Variants in SLC9A9 observed in about 807,000 individuals in gnomAD.
SLC9A9 encodes solute carrier family 9 member A9.
In SLC9A9, 62 loss-of-function variants were observed where a neutral mutation model predicts 77.8. The observed-to-expected ratio is 0.80, with a 90% confidence interval of 0.65 to 0.98. The LOEUF is 0.98. Ranked by LOEUF, SLC9A9 falls within the 50% of genes least tolerant of loss-of-function variation. The pLI is 0.00. For missense variants in SLC9A9, 775 were observed against 774.9 expected (o/e 1.00, Z 0.00); for synonymous variants, 320 against 283.5 (o/e 1.13, Z -1.29).
At chr3:143,833,234 T>C (rs1242812762) in intron 1 of SLC9A9, among the ~76,000 whole-genome samples, 1 of 152,208 alleles carries the variant, frequency 6.6e-6, no homozygotes, top group African/African-American at 2.4e-5. Context: ...TTACCTCTCT[T>C]ATGAATCTGG....
At chr3:143,615,913 C>T (rs2108705172) in intron 6 of SLC9A9, among the ~76,000 whole-genome samples, 1 of 150,396 alleles carries the variant, frequency 6.6e-6, no homozygotes, top group East Asian at 2.0e-4. Context: ...CAGAGTCTCG[C>T]TCTGTTGCCC....
chr3:143,706,680 G>A (rs544041414), intron 4 of SLC9A9, among the ~76,000 whole-genome samples: 1 of 152,282 alleles, frequency 6.6e-6, no homozygotes, highest in South Asian at 2.1e-4. Context: ...TCCTCTGTAA[G>A]GGGTGGAGGG....
At chr3:143,667,734 G>C (rs1428176411) in intron 5 of SLC9A9, among the ~76,000 whole-genome samples, 1 of 152,170 alleles carries the variant, frequency 6.6e-6, no homozygotes, top group African/African-American at 2.4e-5. Context: ...ATGAAAAAAT[G>C]TTCATCATCA....
intron 6 of SLC9A9, among the ~76,000 whole-genome samples, chr3:143,618,658 C>T (rs1253109544): frequency 1.3e-5 from 2 of 152,152 alleles, no homozygotes; most frequent in African/African-American, 4.8e-5. Flanking sequence ...TCTTCTCAGC[C>T]TCCTTGGATA....
chr3:143,424,611 G>A (rs909707717), intron 12 of SLC9A9, among the ~76,000 whole-genome samples: 1 of 152,096 alleles, frequency 6.6e-6, no homozygotes, highest in African/African-American at 2.4e-5. Flanking sequence ...TGATCCATCT[G>A]CCTCGGCCTC....
intron 14 of SLC9A9, among the ~76,000 whole-genome samples, chr3:143,360,944 T>C (rs577588164): frequency 6.6e-6 from 1 of 152,318 alleles, no homozygotes; most frequent in African/African-American, 2.4e-5. Flanking sequence ...CTCAATACGG[T>C]GTGTGGGCCT....
chr3:143,639,141 T>C (rs777036410), intron 6 of SLC9A9, among the ~76,000 whole-genome samples: 7 of 152,250 alleles, frequency 4.6e-5, no homozygotes, highest in Admixed American at 2.0e-4. Context: ...AAACTATTTA[T>C]AGAGTTTTGT....
At chr3:143,527,246 A>G (rs1173179817) in intron 9 of SLC9A9, among the ~76,000 whole-genome samples, 1 of 152,196 alleles carries the variant, frequency 6.6e-6, no homozygotes, top group African/African-American at 2.4e-5. Context: ...TTCTTCTTCA[A>G]GCTTTACGGT....
intron 4 of SLC9A9, among the ~76,000 whole-genome samples, chr3:143,728,631 G>A (rs1371701695): frequency 6.6e-6 from 1 of 152,194 alleles, no homozygotes. Flanking sequence ...TGCTGTGGCT[G>A]CTGAGTGGAA....
chr3:143,503,848 GT>G, intron 9 of SLC9A9: 1 of 346,874 alleles, frequency 2.9e-6, no homozygotes, highest in Non-Finnish European at 5.6e-6. Context: ...CTGTGAAGTT[GT>G]TTTTGCACTT....
At chr3:143,598,456 T>C (rs541016183) in intron 6 of SLC9A9, among the ~76,000 whole-genome samples, 115 of 152,366 alleles carry the variant, frequency 7.5e-4, no homozygotes, top group African/African-American at 2.6e-3. Flanking sequence ...AGGACACTAA[T>C]GGAGGGTAAA....
intron 2 of SLC9A9, among the ~76,000 whole-genome samples, chr3:143,829,693 A>G (rs1290332315): frequency 6.6e-6 from 1 of 152,232 alleles, no homozygotes; most frequent in Admixed American, 6.5e-5. Context: ...TATATTAAGC[A>G]TTCAAACATT....
intron 6 of SLC9A9, among the ~76,000 whole-genome samples, chr3:143,592,958 T>C (rs116149413): frequency 8.2e-4 from 125 of 152,186 alleles, no homozygotes; most frequent in African/African-American, 2.9e-3. Flanking sequence ...GGGGGAGAAG[T>C]GTTCCTTGAG....
chr3:143,482,388 T>C (rs942094557), intron 11 of SLC9A9, among the ~76,000 whole-genome samples: 5 of 152,210 alleles, frequency 3.3e-5, no homozygotes, highest in Non-Finnish European at 7.3e-5. Flanking sequence ...TGTACTGTGG[T>C]GACATTTTAC....
At chr3:143,474,491 G>A (rs1049421567) in intron 11 of SLC9A9, among the ~76,000 whole-genome samples, 1 of 152,024 alleles carries the variant, frequency 6.6e-6, no homozygotes, top group African/African-American at 2.4e-5. Flanking sequence ...ATGATAGCAC[G>A]GCAGGTGCTG....
At chr3:143,754,684 C>G (rs2006865333) in intron 4 of SLC9A9, among the ~76,000 whole-genome samples, 1 of 152,114 alleles carries the variant, frequency 6.6e-6, no homozygotes, top group African/African-American at 2.4e-5. Flanking sequence ...AAGGGGAAAG[C>G]AGAGGGGTGG....
intron 1 of SLC9A9, among the ~76,000 whole-genome samples, chr3:143,843,403 A>G (rs2009754777): frequency 6.6e-6 from 1 of 152,178 alleles, no homozygotes; most frequent in Non-Finnish European, 1.5e-5. Context: ...ATTTTCTTTA[A>G]ATCTTGAAAA....
intron 14 of SLC9A9, among the ~76,000 whole-genome samples, chr3:143,286,190 G>C (rs1477472002): frequency 2.6e-5 from 4 of 152,090 alleles, no homozygotes; most frequent in African/African-American, 9.7e-5. Context: ...CTCCTAATTG[G>C]GCTTCCTTTT....
At chr3:143,419,099 C>G (rs960365993) in intron 12 of SLC9A9, among the ~76,000 whole-genome samples, 2 of 152,098 alleles carry the variant, frequency 1.3e-5, no homozygotes, top group African/African-American at 4.8e-5. Context: ...GACCAAGAAC[C>G]CATTTTCTTA....
Sources: allele counts gnomAD v4.1 joint callset (sites outside exome capture counted in the v4.1 genomes callset), GRCh38; gene constraint gnomAD v4.1.1; transcripts MANE v1.5; gene names NCBI Gene and HGNC (gene_info 2026-07-23, HGNC 2026-07-21).